The following AAMDC variants were observed in gnomAD, a reference collection of about 807,000 sequenced individuals.
AAMDC encodes adipogenesis associated Mth938 domain containing, also known as mth938 domain-containing protein.
A neutral mutation model predicts 15.5 loss-of-function variants in AAMDC; 16 were observed. The observed-to-expected ratio is 1.03, with a 90% CI of 0.70 to 1.57. The LOEUF is 1.57. Ranked by LOEUF, AAMDC falls within the 40% of genes most tolerant of loss-of-function variation. The probability of loss-of-function intolerance (pLI) is 0.00; values close to 1 mark genes in which losing one functional copy is unlikely to be tolerated. For synonymous variants in AAMDC, 51 were observed against 51.6 expected, an observed-to-expected ratio of 0.99 and a Z score of 0.05; for missense variants, 141 against 144.9, an observed-to-expected ratio of 0.97 and a Z score of 0.14.
chr11:77,876,082 T>C (rs1012742711), downstream of AAMDC, among the ~76,000 whole-genome samples: 74 of 152,226 alleles, frequency 4.9e-4, no homozygotes, highest in Non-Finnish European at 7.4e-4. Flanking sequence ...TCCATCAGTA[T>C]ACAAACAGTA....
At chr11:77,832,466 A>G (rs757513503) in intron 1 of AAMDC, among the ~76,000 whole-genome samples, 5 of 151,940 alleles carry the variant, frequency 3.3e-5, no homozygotes, top group Non-Finnish European at 5.9e-5. Context: ...AGCTGGGATT[A>G]CAGGCATGCG....
chr11:77,861,866 C>T (rs1389166523), intron 2 of AAMDC, among the ~76,000 whole-genome samples: 1 of 152,138 alleles, frequency 6.6e-6, no homozygotes, highest in Non-Finnish European at 1.5e-5. Flanking sequence ...TTGCCAAGTT[C>T]AACAGGGTTT....
downstream of AAMDC, among the ~76,000 whole-genome samples, chr11:77,872,882 T>C (rs939167673): frequency 3.3e-5 from 5 of 152,020 alleles, no homozygotes; most frequent in East Asian, 1.9e-4. Context: ...ACCCAAGAGG[T>C]AGAGGTTGCG....
chr11:77,878,596 A>G (rs1037477767), intron 5 of AAMDC: 3 of 559,676 alleles, frequency 5.4e-6, no homozygotes, highest in African/African-American at 3.8e-5. Flanking sequence ...AGCTCAAATA[A>G]CCAGTTATCA....
chr11:77,897,170 G>A (rs576998864), intron 5 of AAMDC, among the ~76,000 whole-genome samples: 2 of 151,834 alleles, frequency 1.3e-5, no homozygotes, highest in East Asian at 1.9e-4. Flanking sequence ...TTTAAAAGGC[G>A]ACAGAGAACA....
chr11:77,831,786 C>T (rs1949438229), intron 1 of AAMDC: 1 of 151,378 alleles, frequency 6.6e-6, no homozygotes, highest in Admixed American at 6.6e-5. Flanking sequence ...ACCTCTGCCT[C>T]CCAGTTTCAA....
At chr11:77,849,318 T>A (rs1950275432) in intron 2 of AAMDC, among the ~76,000 whole-genome samples, 1 of 151,952 alleles carries the variant, frequency 6.6e-6, no homozygotes, top group African/African-American at 2.4e-5. Context: ...GACTCCCGGG[T>A]TCAAGCGATT....
chr11:77,895,383 A>C (rs1427877282), intron 5 of AAMDC, among the ~76,000 whole-genome samples: 1 of 152,028 alleles, frequency 6.6e-6, no homozygotes, highest in Non-Finnish European at 1.5e-5. Flanking sequence ...AGTCTCCATG[A>C]GTAGACTTTG....
At chr11:77,867,225 G>T (rs918069029) in intron 2 of AAMDC, among the ~76,000 whole-genome samples, 12 of 151,874 alleles carry the variant, frequency 7.9e-5, no homozygotes, top group African/African-American at 2.9e-4. Context: ...TCTTTCTCTC[G>T]CCCATTTGTT....
intron 1 of AAMDC, among the ~76,000 whole-genome samples, chr11:77,837,284 C>T (rs1277622565): frequency 2.0e-5 from 3 of 151,886 alleles, no homozygotes; most frequent in East Asian, 2.0e-4. Context: ...TACAGGCACC[C>T]GCCACCACAC....
chr11:77,844,227 C>A (rs1477650889), intron 2 of AAMDC, among the ~76,000 whole-genome samples: 5 of 152,282 alleles, frequency 3.3e-5, no homozygotes, highest in African/African-American at 1.2e-4. Context: ...AGGGCTCTAC[C>A]CTTAGGACCC....
rs117770280 is a variant in AAMDC, at chr11:77,853,010, C to T, written c.132+10382C>T. On this transcript the variant is annotated intron_variant, in intron 2 of 3. Transcript: ENST00000393427. ...CAATACTACATTGAATAACCATGTA[C>T]ATTTTTTTTTGTATTGTTGAAAGTG... Among the ~76,000 whole-genome samples the T allele has an allele frequency of 6.5e-4, 99 of 152,146 alleles. 1 individual carries two copies. The highest frequency in any genetic ancestry group is 5.7e-4 in the Non-Finnish European group (39 of 67,996).
chr11:77,852,693 C>G (rs1035364203), intron 2 of AAMDC, among the ~76,000 whole-genome samples: 1 of 152,008 alleles, frequency 6.6e-6, no homozygotes, highest in African/African-American at 2.4e-5. Flanking sequence ...TATTAGTTTC[C>G]GGTTTATCCT....
chr11:77,870,925 A>G (rs1951400778), intron 3 of AAMDC, among the ~76,000 whole-genome samples: 1 of 152,164 alleles, frequency 6.6e-6, no homozygotes, highest in Admixed American at 6.5e-5. Context: ...ATCCATATAG[A>G]GGCCTACCTC....
intron 1 of AAMDC, among the ~76,000 whole-genome samples, chr11:77,835,773 T>C (rs1193962216): frequency 6.6e-6 from 1 of 151,546 alleles, no homozygotes; most frequent in Admixed American, 6.6e-5. Flanking sequence ...TACAAAAAAT[T>C]AACCAGGCGT....
At chr11:77,868,049 C>T (rs1951198929) in intron 2 of AAMDC, among the ~76,000 whole-genome samples, 1 of 147,042 alleles carries the variant, frequency 6.8e-6, no homozygotes, top group African/African-American at 2.5e-5. Flanking sequence ...CTTTTTCTTT[C>T]CTCTGAGCCT....
chr11:77,874,544 A>G (rs1179560672), downstream of AAMDC, among the ~76,000 whole-genome samples: 2 of 152,158 alleles, frequency 1.3e-5, no homozygotes, highest in African/African-American at 4.8e-5. Flanking sequence ...TTTTAAGAAA[A>G]CCTGCTAATA....
At chr11:77,861,820 C>T (rs1207173397) in intron 2 of AAMDC, among the ~76,000 whole-genome samples, 1 of 152,134 alleles carries the variant, frequency 6.6e-6, no homozygotes, top group African/African-American at 2.4e-5. Context: ...TCCCGTTCTG[C>T]CTGCTCCTCC....
chr11:77,842,399 A>G, intron 1 of AAMDC, 80 bp from the exon 2 acceptor site: 1 of 1,303,450 alleles, frequency 7.7e-7, no homozygotes, highest in Non-Finnish European at 1.1e-6. Flanking sequence ...ATGGAGAATC[A>G]GGGCTTAGTA....
Sources: allele counts gnomAD v4.1 joint callset (sites outside exome capture counted in the v4.1 genomes callset), GRCh38; gene constraint gnomAD v4.1.1; transcripts MANE v1.5; gene names NCBI Gene and HGNC (gene_info 2026-07-23, HGNC 2026-07-21).